Variants in SLC6A7 observed in about 807,000 individuals in gnomAD.
SLC6A7 encodes the protein sodium-dependent proline transporter.
Under a neutral mutation model 73.1 loss-of-function variants are expected in SLC6A7, and 58 were observed. The observed-to-expected ratio is 0.79, with a 90% confidence interval of 0.64 to 0.99. The LOEUF (loss-of-function observed/expected upper bound fraction) is 0.99, where lower values mean the gene tolerates loss of function less well. Ranked by LOEUF, SLC6A7 falls within the 50% of genes least tolerant of loss-of-function variation. The pLI, the probability that SLC6A7 is intolerant of heterozygous loss-of-function variation, is 0.00. For synonymous variants in SLC6A7, 338 were observed against 338.7 expected (o/e 1.00, Z 0.02); for missense variants, 783 against 831.4 (o/e 0.94, Z 0.72).
At chr5:150,198,720 AACC>A (rs1276245545) in intron 4 of SLC6A7, among the ~76,000 whole-genome samples, 1 of 152,036 alleles carries the variant, frequency 6.6e-6, no homozygotes, top group East Asian at 1.9e-4. Context: ...ACCACCCCTG[AACC>A]TAGGAGGCAA....
intron 8 of SLC6A7, among the ~76,000 whole-genome samples, chr5:150,202,922 A>AAT (rs1274394194): frequency 5.3e-5 from 8 of 152,268 alleles, no homozygotes; most frequent in African/African-American, 1.9e-4. Context: ...TAAAAATACA[A>AAT]AAAGTAGCCG....
At chr5:150,199,735 G>T in intron 5 of SLC6A7, among the ~76,000 whole-genome samples, 1 of 152,186 alleles carries the variant, frequency 6.6e-6, no homozygotes, top group East Asian at 1.9e-4. Flanking sequence ...ATCACACTCA[G>T]TTGGAAAGTC....
At position 150,202,666 on chromosome 5, in the gene SLC6A7, G is replaced by T. The variant is rs770117253; in HGVS notation, c.1050G>T (p.Gln350His). 2 of 1,614,218 alleles carry T rather than the reference G, an allele frequency of 1.2e-6. No individual in the cohort carries two copies. Among genetic ancestry groups the T allele is most frequent in the Admixed American group, 3.3e-5 (2 of 60,032 alleles). The change falls in exon 8 of 14, where the codon CAG (glutamine) becomes CAT (histidine). Residue 350 changes from glutamine to histidine, a missense_variant. By Grantham distance (24) the Gln-to-His change is conservative. Coordinates refer to ENST00000230671, the MANE Select transcript of SLC6A7 (RefSeq NM_014228.5). ...TCTCCGTGCTGGGCTACATGTCTCAGGAGCTGGGCGTGCCTGTGGACCAAG... is the reference window on the plus strand; with the variant it reads ...TCTCCGTGCTGGGCTACATGTCTCATGAGCTGGGCGTGCCTGTGGACCAAG... ...AIFSVLGYMSQELGVPVDQVA... is the reference protein window; with the variant it reads ...AIFSVLGYMSHELGVPVDQVA...
chr5:150,198,135 A>AAGAC (rs1753174302), intron 4 of SLC6A7, among the ~76,000 whole-genome samples: 1 of 151,878 alleles, frequency 6.6e-6, no homozygotes, highest in African/African-American at 2.4e-5. Flanking sequence ...GAAAGAAAGA[A>AAGAC]AGAAAGCAAA....
intron 12 of SLC6A7, among the ~76,000 whole-genome samples, chr5:150,205,222 G>A (rs1476785189): frequency 5.0e-5 from 3 of 60,210 alleles, no homozygotes; most frequent in South Asian, 8.4e-4. Context: ...AGGGTCTGGG[G>A]TGCCTCAGAA....
At chr5:150,208,726 G>T (rs1253338621) in intron 13 of SLC6A7, among the ~76,000 whole-genome samples, 2 of 152,274 alleles carry the variant, frequency 1.3e-5, no homozygotes, top group African/African-American at 2.4e-5. Context: ...TCTTCTCCCT[G>T]GCATGACAGG....
chr5:150,191,729 T>G (rs1243725181), intron 1 of SLC6A7, among the ~76,000 whole-genome samples: 1 of 152,062 alleles, frequency 6.6e-6, no homozygotes. Flanking sequence ...TGCGCCCAGC[T>G]GGTATGTCTT....
intron 6 of SLC6A7, among the ~76,000 whole-genome samples, chr5:150,201,664 T>C (rs1753389538): frequency 6.6e-6 from 1 of 152,160 alleles, no homozygotes; most frequent in Non-Finnish European, 1.5e-5. Context: ...CTTATCAAGC[T>C]TACGGTCATA....
intron 2 of SLC6A7, among the ~76,000 whole-genome samples, chr5:150,195,885 C>T (rs921423317): frequency 2.0e-5 from 3 of 152,226 alleles, no homozygotes; most frequent in Admixed American, 6.5e-5. Context: ...TACTCTTCCT[C>T]TCTGTGTGCT....
chr5:150,200,987 C>G (rs1447645962), intron 5 of SLC6A7, 102 bp from the exon 6 acceptor site: 4 of 1,287,834 alleles, frequency 3.1e-6, no homozygotes, highest in Admixed American at 3.5e-5. Context: ...CTGGCTTGGG[C>G]TACCCAAAGG....
intron 13 of SLC6A7, 46 bp from the exon 14 acceptor site, chr5:150,209,360 G>A (rs1753849994): frequency 5.9e-6 from 9 of 1,517,578 alleles, no homozygotes; most frequent in African/African-American, 4.1e-5. Flanking sequence ...CCCTCCACCA[G>A]CGCTGCCTGT....
intron 6 of SLC6A7, 30 bp from the exon 7 acceptor site, chr5:150,202,317 C>A: frequency 1.3e-6 from 2 of 1,487,628 alleles, no homozygotes; most frequent in Non-Finnish European, 1.9e-6. Flanking sequence ...ACCATCCGCA[C>A]ACCCTCCCTT....
At chr5:150,198,439 G>A (rs1205398011) in intron 4 of SLC6A7, among the ~76,000 whole-genome samples, 4 of 152,206 alleles carry the variant, frequency 2.6e-5, no homozygotes, top group African/African-American at 7.2e-5. Flanking sequence ...TGAAGTGTCC[G>A]CACCTGCTGA....
rs761367951 is a variant in SLC6A7 at position 150,202,711 on chromosome 5, G to C, written c.1087+8G>C. 6 of 1,613,854 alleles carry C rather than the reference G, an allele frequency of 3.7e-6. No homozygotes were observed. In the East Asian group the frequency reaches 1.1e-4, roughly 30 times the overall value. ...ACCAAGTAGCCAAAGCAGGTGGGCA[G>C]GCTGCCAGGCCTCAGTGGGGTGAGC... is the stretch of plus-strand genomic sequence containing the variant. On this transcript the variant is annotated splice_region_variant and intron_variant, in intron 8 of 13. Transcript: ENST00000230671.
chr5:150,192,579 T>C (rs576778096), intron 1 of SLC6A7, among the ~76,000 whole-genome samples: 1 of 152,272 alleles, frequency 6.6e-6, no homozygotes, highest in East Asian at 1.9e-4. Flanking sequence ...ATTCACCCCA[T>C]GGTGGGGTTG....
intron 4 of SLC6A7, among the ~76,000 whole-genome samples, chr5:150,197,680 T>C (rs1318489897): frequency 6.6e-6 from 1 of 152,190 alleles, no homozygotes; most frequent in Non-Finnish European, 1.5e-5. Context: ...TAACAGGGGT[T>C]GGTAACAGTA....
In SLC6A7 at chr5:150,197,115, C is replaced by G. The variant is rs763998568; in HGVS notation, c.423C>G (p.Leu141=). Residue 141 remains leucine, a synonymous_variant, in exon 4 of 14, where the codon CTC becomes CTG. Coordinates refer to ENST00000230671, the MANE Select transcript of SLC6A7 (RefSeq NM_014228.5). ...ACAACATGATCATCGCCTACGTGCTCTTCTACCTCTTCGCCTCCCTCACCA... is the reference window on the plus strand; with the variant it reads ...ACAACATGATCATCGCCTACGTGCTGTTCTACCTCTTCGCCTCCCTCACCA... The part of the protein sequence containing the change: ...IYYNMIIAYV[L]FYLFASLTSD... 1 of 1,614,170 alleles carries G rather than the reference C, an allele frequency of 6.2e-7. No homozygotes were observed. Among genetic ancestry groups the G allele is most frequent in the South Asian group, 1.1e-5 (1 of 91,086 alleles).
intron 3 of SLC6A7, 73 bp from the exon 4 acceptor site, chr5:150,196,969 C>T: frequency 1.3e-6 from 2 of 1,536,684 alleles, no homozygotes; most frequent in East Asian, 2.3e-5. Context: ...TAGCTGCCAG[C>T]TCCCCAGAAG....
Position 150,190,211 on chromosome 5 carries a change from G to T in SLC6A7, c.-117G>T. 1 of 871,470 alleles carries T rather than the reference G, an allele frequency of 1.1e-6. No homozygotes were observed. The allele number at this position is 871,470 out of a possible 1,614,324, so 54.0% of individuals were successfully genotyped here. ...GACGGCAGCGCCTGCGTCCGTGCCC[G>T]CCCCAGCCGGTGCGCGGGAGCCGCG... On this transcript the variant is annotated 5_prime_UTR_variant, in exon 1 of 14. Coordinates refer to ENST00000230671, the MANE Select transcript of SLC6A7 (RefSeq NM_014228.5).
Sources: allele counts gnomAD v4.1 joint callset (sites outside exome capture counted in the v4.1 genomes callset), GRCh38; gene constraint gnomAD v4.1.1; transcripts MANE v1.5; gene names NCBI Gene and HGNC (gene_info 2026-07-23, HGNC 2026-07-21).